MSRA: variants seen among roughly 807,000 people sequenced by gnomAD.
The protein encoded by MSRA is mitochondrial peptide methionine sulfoxide reductase.
A neutral mutation model predicts 31.3 loss-of-function variants in MSRA; 54 were observed. The observed-to-expected ratio is 1.73, with a 90% CI of 1.39 to 2.17. MSRA has a LOEUF of 2.17. MSRA is among the 30% of genes most tolerant of loss of function. The pLI, the probability that MSRA is intolerant of heterozygous loss-of-function variation, is 0.00. For missense variants in MSRA, 507 were observed against 300.9 expected (o/e 1.69, Z -5.07); for synonymous variants, 169 against 116.5 (o/e 1.45, Z -2.90).
chr8:10,280,826 C>G (rs1799583432), intron 3 of MSRA, among the ~76,000 whole-genome samples: 1 of 152,190 alleles, frequency 6.6e-6, no homozygotes, highest in Non-Finnish European at 1.5e-5. Context: ...TATACACGTA[C>G]AACAGCGTGA....
rs1479124862 is a variant in MSRA, at chr8:10,303,911, C to CAA, written c.436+2273_436+2274insAA. On this transcript the variant is annotated intron_variant, in intron 4 of 5. Transcript: ENST00000317173. ...TTATGCCCATTATATTTGCCAGGTG[C>CAA]CCTTTTATTTTTTGTTTTTGTTTTT... Among the ~76,000 whole-genome samples, 30 of 152,224 alleles carry CAA rather than the reference C, an allele frequency of 2.0e-4. No individual in the cohort carries two copies. The East Asian group carries it at 5.8e-3, about 29-fold the overall frequency.
intron 1 of MSRA, among the ~76,000 whole-genome samples, chr8:10,066,313 A>T (rs1013423192): frequency 2.6e-5 from 4 of 152,276 alleles, no homozygotes; most frequent in Middle Eastern, 3.4e-3. Flanking sequence ...TCAAAGTTTG[A>T]TCTGTACATT....
At chr8:10,365,545 G>C (rs1009226470) in intron 5 of MSRA, among the ~76,000 whole-genome samples, 1 of 152,184 alleles carries the variant, frequency 6.6e-6, no homozygotes, top group Non-Finnish European at 1.5e-5. Context: ...AGCATTTGAT[G>C]GAGAGTTTAT....
chr8:10,200,550 C>T (rs1808404760), intron 1 of MSRA, among the ~76,000 whole-genome samples: 1 of 152,148 alleles, frequency 6.6e-6, no homozygotes, highest in Non-Finnish European at 1.5e-5. Flanking sequence ...TTGTCGCTTG[C>T]CTTCCAGGTC....
intron 2 of MSRA, among the ~76,000 whole-genome samples, chr8:10,224,579 G>A (rs1810829118): frequency 6.6e-6 from 1 of 152,136 alleles, no homozygotes; most frequent in African/African-American, 2.4e-5. Flanking sequence ...TTAGAGATGG[G>A]GGCTGGACCA....
chr8:10,320,847 G>A (rs1056096464), intron 5 of MSRA, among the ~76,000 whole-genome samples: 13 of 152,068 alleles, frequency 8.5e-5, no homozygotes, highest in Admixed American at 3.3e-4. Flanking sequence ...TTTTATGTGC[G>A]TGTGTTTCTT....
intron 1 of MSRA, among the ~76,000 whole-genome samples, chr8:10,137,155 G>T (rs1802344031): frequency 6.6e-6 from 1 of 152,182 alleles, no homozygotes; most frequent in African/African-American, 2.4e-5. Context: ...GGGACGATGG[G>T]TGGCTCGCCC....
chr8:10,399,920 G>C (rs755322694), intron 5 of MSRA, among the ~76,000 whole-genome samples: 7 of 152,290 alleles, frequency 4.6e-5, no homozygotes, highest in African/African-American at 1.7e-4. Flanking sequence ...TGTCAGAAAG[G>C]GAGAGCTGTT....
chr8:10,271,752 C>G (rs1293192138), intron 3 of MSRA, among the ~76,000 whole-genome samples: 1 of 134,188 alleles, frequency 7.5e-6, no homozygotes, highest in Non-Finnish European at 1.6e-5. Context: ...GACTTTTGCT[C>G]TTGTCGCCCA....
At chr8:10,220,562 C>T (rs1810399521) in intron 2 of MSRA, among the ~76,000 whole-genome samples, 1 of 152,116 alleles carries the variant, frequency 6.6e-6, no homozygotes, top group African/African-American at 2.4e-5. Context: ...TTGCCATATG[C>T]CTGTTGTCTC....
At chr8:10,239,083 T>A (rs1563255875) in intron 2 of MSRA, among the ~76,000 whole-genome samples, 1 of 151,906 alleles carries the variant, frequency 6.6e-6, no homozygotes, top group Non-Finnish European at 1.5e-5. Flanking sequence ...CAGAGGCACT[T>A]TATAAACGAG....
At chr8:10,424,072 A>G (rs930197412) in intron 5 of MSRA, among the ~76,000 whole-genome samples, 1 of 152,228 alleles carries the variant, frequency 6.6e-6, no homozygotes, top group South Asian at 2.1e-4. Context: ...CCACGCGAAC[A>G]TAGTATGTGG....
At chr8:10,287,622 T>G (rs1800005693) in intron 3 of MSRA, among the ~76,000 whole-genome samples, 1 of 152,180 alleles carries the variant, frequency 6.6e-6, no homozygotes, top group African/African-American at 2.4e-5. Flanking sequence ...GGACTTACTA[T>G]TAGTGTCTTG....
At chr8:10,256,454 C>T (rs1358550671) in intron 3 of MSRA, among the ~76,000 whole-genome samples, 1 of 152,116 alleles carries the variant, frequency 6.6e-6, no homozygotes, top group Admixed American at 6.6e-5. Context: ...TTTAAACGTT[C>T]AGTAGAGATT....
chr8:10,303,300 G>A (rs1055234982), intron 4 of MSRA, among the ~76,000 whole-genome samples: 8 of 152,072 alleles, frequency 5.3e-5, no homozygotes, highest in African/African-American at 9.7e-5. Flanking sequence ...TCTCCATACC[G>A]CTCTTAAATG....
intron 1 of MSRA, among the ~76,000 whole-genome samples, chr8:10,096,527 A>G (rs1799167959): frequency 1.3e-5 from 2 of 152,318 alleles, no homozygotes; most frequent in Non-Finnish European, 1.5e-5. Flanking sequence ...AGAAGTGGTG[A>G]GCTGTGTTTG....
In MSRA at chr8:10,105,008, G is replaced by A. The variant is rs571983279; in HGVS notation, c.142+50350G>A. ...TGGGCAAGGAATATTTTGCTGTTAC[G>A]TTTATTGGTATAGCTGATTACTTAG... On this transcript the variant is annotated intron_variant, in intron 1 of 5. Coordinates refer to ENST00000317173, the MANE Select transcript of MSRA (RefSeq NM_012331.5). Among the ~76,000 whole-genome samples, 5 of 152,242 alleles carry A rather than the reference G, an allele frequency of 3.3e-5. No homozygotes were observed. The East Asian group carries it at 5.8e-4, about 18-fold the overall frequency.
At chr8:10,240,672 G>C (rs1812330605) in intron 2 of MSRA, among the ~76,000 whole-genome samples, 1 of 152,150 alleles carries the variant, frequency 6.6e-6, no homozygotes, top group African/African-American at 2.4e-5. Context: ...GTCCACAGCT[G>C]TCCTGAACTT....
chr8:10,169,543 C>G (rs769635255), intron 1 of MSRA, among the ~76,000 whole-genome samples: 1 of 152,156 alleles, frequency 6.6e-6, no homozygotes, highest in African/African-American at 2.4e-5. Flanking sequence ...GCAAAAATCT[C>G]TGTGACTTTG....
Sources: gnomAD v4.1 joint callset for allele counts (sites outside exome capture counted in the v4.1 genomes callset) on GRCh38, gnomAD v4.1.1 for gene constraint, MANE v1.5 for transcripts, NCBI Gene and HGNC (gene_info 2026-07-23, HGNC 2026-07-21) for gene names.